The following TNR variants were observed in gnomAD, a reference collection of about 807,000 sequenced individuals.
TNR encodes tenascin-R.
Under a neutral mutation model 150.4 loss-of-function variants are expected in TNR, and 45 were observed. The observed-to-expected ratio is 0.30, with a 90% CI of 0.24 to 0.38. TNR has a LOEUF of 0.38. TNR is among the 10% of genes least tolerant of loss of function. TNR has a pLI of 1.00. For synonymous variants in TNR, 687 were observed against 678.4 expected (o/e 1.01, Z -0.20); for missense variants, 1,544 against 1,759.1 (o/e 0.88, Z 2.19).
intron 1 of TNR, among the ~76,000 whole-genome samples, chr1:175,602,004 A>G (rs1447677975): frequency 6.6e-6 from 1 of 152,140 alleles, no homozygotes; most frequent in Non-Finnish European, 1.5e-5. Context: ...CACTGTATAG[A>G]GCAGGGAGAT....
chr1:175,595,404 C>T (rs1012545058), intron 1 of TNR, among the ~76,000 whole-genome samples: 1 of 152,130 alleles, frequency 6.6e-6, no homozygotes, highest in African/African-American at 2.4e-5. Flanking sequence ...AAACTGAAAC[C>T]CAGTTTAAAC....
Position 175,584,788 on chromosome 1 carries a change from C to G in TNR, c.-164-56419G>C, listed in dbSNP as rs189469072. Among the ~76,000 whole-genome samples the G allele has an allele frequency of 4.0e-5, 6 of 148,732 alleles. No homozygotes were observed. In the East Asian group the frequency reaches 9.9e-4, roughly 25 times the overall value. On this transcript the variant is annotated intron_variant, in intron 1 of 22. Transcript: ENST00000367674. Reference sequence around the variant, plus strand: ...GTTCTCAATATTCTCCAGCCTACAGCCACATTTTAAAAAAAGTTTGGTTTA... The same window carrying G: ...GTTCTCAATATTCTCCAGCCTACAGGCACATTTTAAAAAAAGTTTGGTTTA...
intron 1 of TNR, among the ~76,000 whole-genome samples, chr1:175,585,142 T>C (rs1487272762): frequency 6.6e-6 from 1 of 152,238 alleles, no homozygotes; most frequent in Non-Finnish European, 1.5e-5. Flanking sequence ...TGATGTGATC[T>C]GGGCACAAAA....
At chr1:175,446,802 C>G (rs1656069364) in intron 2 of TNR, among the ~76,000 whole-genome samples, 1 of 152,134 alleles carries the variant, frequency 6.6e-6, no homozygotes, top group East Asian at 1.9e-4. Flanking sequence ...GCAGGACCAG[C>G]CACCCCGCGA....
intron 2 of TNR, among the ~76,000 whole-genome samples, chr1:175,409,613 G>T (rs1266107423): frequency 1.3e-5 from 2 of 152,182 alleles, no homozygotes; most frequent in Non-Finnish European, 2.9e-5. Context: ...ATAAAAGATA[G>T]ACAAGGGTCT....
intron 20 of TNR, among the ~76,000 whole-genome samples, chr1:175,332,730 TTTTCATCCCTTTCCTTCCTCCA>T (rs1650007798): frequency 6.6e-6 from 1 of 152,192 alleles, no homozygotes; most frequent in Non-Finnish European, 1.5e-5. Context: ...CCTTCCCTCC[TTTTCATCCCTTTCCTTCCTCCA>T]TTCTTCTGAC....
At chr1:175,407,120 G>A (rs1223887673) in intron 2 of TNR, among the ~76,000 whole-genome samples, 2 of 152,224 alleles carry the variant, frequency 1.3e-5, no homozygotes, top group African/African-American at 4.8e-5. Context: ...GGAGAACTCA[G>A]AGTTTCTTTT....
At chr1:175,521,641 C>G (rs927981390) in intron 2 of TNR, among the ~76,000 whole-genome samples, 3 of 152,210 alleles carry the variant, frequency 2.0e-5, no homozygotes, top group African/African-American at 7.2e-5. Context: ...TCATCTCCTC[C>G]TTTTGTTCTT....
intron 1 of TNR, among the ~76,000 whole-genome samples, chr1:175,607,526 T>C (rs1488318043): frequency 6.6e-6 from 1 of 152,230 alleles, no homozygotes; most frequent in East Asian, 1.9e-4. Context: ...CTGACCTATA[T>C]TGTACTGGCT....
intron 2 of TNR, among the ~76,000 whole-genome samples, chr1:175,458,387 G>A (rs1656660222): frequency 6.6e-6 from 1 of 152,170 alleles, no homozygotes; most frequent in Non-Finnish European, 1.5e-5. Context: ...GAAGGACAAG[G>A]CATGCACCCT....
At chr1:175,587,702 T>C (rs1030555445) in intron 1 of TNR, among the ~76,000 whole-genome samples, 3 of 152,176 alleles carry the variant, frequency 2.0e-5, no homozygotes. Flanking sequence ...CCTACCCCAA[T>C]AATTTTTAAT....
At position 175,540,594 on chromosome 1, in the gene TNR, C is replaced by T. The variant is rs117563624; in HGVS notation, c.-164-12225G>A. Among the ~76,000 whole-genome samples the T allele has an allele frequency of 9.6e-4, 146 of 152,244 alleles. 1 individual carries two copies. The East Asian group carries it at 0.022, about 23-fold the overall frequency. On this transcript the variant is annotated intron_variant, in intron 1 of 22. Coordinates refer to ENST00000367674, the MANE Select transcript of TNR (RefSeq NM_003285.3). ...TGGTTTCTTTGGGAGCAGACAAGTACCCCAGCTCATCTTTGAAAGAGTACA... is the reference window on the plus strand; with the variant it reads ...TGGTTTCTTTGGGAGCAGACAAGTATCCCAGCTCATCTTTGAAAGAGTACA...
intron 2 of TNR, among the ~76,000 whole-genome samples, chr1:175,450,930 CT>C (rs544467514): frequency 6.6e-6 from 1 of 152,162 alleles, no homozygotes; most frequent in Non-Finnish European, 1.5e-5. Flanking sequence ...CTCCACCATT[CT>C]TTTTTTCTCA....
intron 1 of TNR, among the ~76,000 whole-genome samples, chr1:175,647,872 C>T (rs907428787): frequency 6.6e-6 from 1 of 152,096 alleles, no homozygotes; most frequent in Non-Finnish European, 1.5e-5. Context: ...AAAGCAGAAG[C>T]CCTGTTTTCC....
At position 175,367,502 on chromosome 1, in the gene TNR, C is replaced by T. The variant is rs114529701; in HGVS notation, c.1964-205G>A. Among the ~76,000 whole-genome samples, 331 of 152,330 alleles carry T rather than the reference C, an allele frequency of 2.2e-3. 1 individual carries two copies. The Middle Eastern group carries it at 0.044, about 20-fold the overall frequency. On this transcript the variant is annotated intron_variant, in intron 9 of 22. Coordinates refer to ENST00000367674, the MANE Select transcript of TNR (RefSeq NM_003285.3). ...ATAGGATGAACCAGCCCACGCAGAG[C>T]TTCCTTCTTGCAGGCAGGCTCTCTG...
intron 2 of TNR, among the ~76,000 whole-genome samples, chr1:175,408,211 C>T (rs1654045406): frequency 6.6e-6 from 1 of 152,148 alleles, no homozygotes; most frequent in Admixed American, 6.5e-5. Flanking sequence ...CAATGTGTGA[C>T]CGTCGCTTCA....
chr1:175,644,422 C>T (rs1186537767), intron 1 of TNR, among the ~76,000 whole-genome samples: 1 of 152,124 alleles, frequency 6.6e-6, no homozygotes, highest in African/African-American at 2.4e-5. Flanking sequence ...AGGCCACAGA[C>T]GTGGTGGTAT....
At chr1:175,380,549 C>T (rs973444344) in intron 8 of TNR, among the ~76,000 whole-genome samples, 13 of 151,524 alleles carry the variant, frequency 8.6e-5, no homozygotes, top group African/African-American at 2.9e-4. Flanking sequence ...CCAGCCTGGG[C>T]CACAGAGTGA....
intron 2 of TNR, among the ~76,000 whole-genome samples, chr1:175,509,092 A>G (rs1659066645): frequency 6.6e-6 from 1 of 152,202 alleles, no homozygotes; most frequent in East Asian, 1.9e-4. Flanking sequence ...ATTAACTTGG[A>G]AGAATTTTCC....
Sources: allele counts gnomAD v4.1 joint callset (sites outside exome capture counted in the v4.1 genomes callset), GRCh38; gene constraint gnomAD v4.1.1; transcripts MANE v1.5; gene names NCBI Gene and HGNC (gene_info 2026-07-23, HGNC 2026-07-21).